The following RPTOR variants were observed in gnomAD, a reference collection of about 807,000 sequenced individuals.
The protein encoded by RPTOR is regulatory associated protein of MTOR complex 1.
In RPTOR, 21 loss-of-function variants were observed where a neutral mutation model predicts 169.9. The ratio of observed to expected loss-of-function variants is 0.12; its 90% CI spans 0.09 to 0.18. The LOEUF is 0.18. Ranked by LOEUF, RPTOR falls within the 10% of genes least tolerant of loss-of-function variation. The pLI, the probability that RPTOR is intolerant of heterozygous loss-of-function variation, is 1.00. For missense variants in RPTOR, 1,133 were observed against 1,855.9 expected (o/e 0.61, Z 7.16); for synonymous variants, 732 against 753.2 (o/e 0.97, Z 0.46).
chr17:80,598,881 T>TA (rs774492939), intron 1 of RPTOR, among the ~76,000 whole-genome samples: 70 of 144,722 alleles, frequency 4.8e-4, no homozygotes, highest in African/African-American at 1.1e-3. Flanking sequence ...TTCTTGATTC[T>TA]TTCTATCTAT....
intron 7 of RPTOR, among the ~76,000 whole-genome samples, chr17:80,815,195 A>G (rs993039779): frequency 1.3e-5 from 2 of 152,252 alleles, no homozygotes; most frequent in Non-Finnish European, 2.9e-5. Flanking sequence ...TGTTGGATGT[A>G]ACACCTGGCA....
chr17:80,896,427 G>C (rs1481673067), intron 20 of RPTOR, among the ~76,000 whole-genome samples: 1 of 108,510 alleles, frequency 9.2e-6, no homozygotes, highest in Non-Finnish European at 1.9e-5. Flanking sequence ...ACACGGCCTC[G>C]CCAACACCCC....
chr17:80,896,990 G>A (rs991435164), intron 20 of RPTOR, among the ~76,000 whole-genome samples: 5 of 152,212 alleles, frequency 3.3e-5, no homozygotes, highest in African/African-American at 1.2e-4. Flanking sequence ...GCTGGGCACG[G>A]TCCCTCACGC....
chr17:80,892,284 C>T (rs1056066638), intron 18 of RPTOR, among the ~76,000 whole-genome samples: 17 of 152,118 alleles, frequency 1.1e-4, no homozygotes, highest in African/African-American at 3.1e-4. Context: ...CTCCCGCTTC[C>T]ACACAGCCGT....
At chr17:80,813,726 G>C (rs1291017399) in intron 7 of RPTOR, among the ~76,000 whole-genome samples, 1 of 152,192 alleles carries the variant, frequency 6.6e-6, no homozygotes, top group Non-Finnish European at 1.5e-5. Flanking sequence ...TTTGCAGTAA[G>C]TAAGTGAACC....
intron 1 of RPTOR, among the ~76,000 whole-genome samples, chr17:80,613,511 T>C (rs574184239): frequency 6.6e-6 from 1 of 152,356 alleles, no homozygotes; most frequent in East Asian, 1.9e-4. Flanking sequence ...TAGTATGTAG[T>C]AACATTCATA....
At chr17:80,909,032 A>C in intron 21 of RPTOR, 103 bp downstream of exon 21, 1 of 766,508 alleles carries the variant, frequency 1.3e-6, no homozygotes, top group Non-Finnish European at 2.3e-6. Flanking sequence ...CACAGTTTAG[A>C]AAGTAACAAA....
At chr17:80,781,145 G>A (rs2066938512) in intron 6 of RPTOR, among the ~76,000 whole-genome samples, 1 of 152,188 alleles carries the variant, frequency 6.6e-6, no homozygotes, top group African/African-American at 2.4e-5. Context: ...TGTGCCCATA[G>A]TCTAAATCTT....
At chr17:80,712,137 C>G (rs2066199409) in intron 4 of RPTOR, among the ~76,000 whole-genome samples, 1 of 152,060 alleles carries the variant, frequency 6.6e-6, no homozygotes, top group South Asian at 2.1e-4. Flanking sequence ...TACTTCCTTC[C>G]CCTCATTTTC....
intron 17 of RPTOR, among the ~76,000 whole-genome samples, chr17:80,890,378 C>A (rs1001584107): frequency 6.6e-6 from 1 of 152,252 alleles, no homozygotes; most frequent in African/African-American, 2.4e-5. Flanking sequence ...CTCGGCAGTG[C>A]CTCACTCCTC....
intron 12 of RPTOR, among the ~76,000 whole-genome samples, chr17:80,856,016 T>C (rs764874231): frequency 6.6e-5 from 10 of 152,112 alleles, no homozygotes; most frequent in Non-Finnish European, 1.0e-4. Flanking sequence ...AGAGTAGTAA[T>C]GGCCACTAAA....
chr17:80,703,754 TG>T (rs775574176), intron 3 of RPTOR, among the ~76,000 whole-genome samples: 9 of 152,206 alleles, frequency 5.9e-5, no homozygotes, highest in Non-Finnish European at 1.3e-4. Context: ...GGCCTGGAGC[TG>T]GGCTAACGCT....
rs559042481 is a variant in RPTOR, at chr17:80,817,383, C to T, written c.891-4818C>T. On this transcript the variant is annotated intron_variant, in intron 7 of 33. Coordinates refer to ENST00000306801, the MANE Select transcript of RPTOR (RefSeq NM_020761.3). ...TCCTCTGCATGGATGGGGCCAGGGA[C>T]GGCAGTGAGGCGGCCACCCCATGGG... Among the ~76,000 whole-genome samples the T allele has an allele frequency of 5.3e-5, 8 of 152,104 alleles. No homozygotes were observed. In the South Asian group the frequency reaches 6.2e-4, roughly 12 times the overall value.
At chr17:80,921,899 G>A (rs1045348134) in intron 21 of RPTOR, among the ~76,000 whole-genome samples, 8 of 152,202 alleles carry the variant, frequency 5.3e-5, no homozygotes, top group Non-Finnish European at 7.3e-5. Flanking sequence ...CCCCGTCCAT[G>A]CAGTGCACCC....
At chr17:80,802,613 A>G (rs1248658542) in intron 7 of RPTOR, 2 of 151,590 alleles carry the variant, frequency 1.3e-5, no homozygotes, top group Non-Finnish European at 2.9e-5. Flanking sequence ...AAAGAAAAGG[A>G]AAAGAAAATG....
chr17:80,912,108 T>C (rs1487459534), intron 21 of RPTOR, among the ~76,000 whole-genome samples: 1 of 152,220 alleles, frequency 6.6e-6, no homozygotes, highest in East Asian at 1.9e-4. Flanking sequence ...GATTTCAAGG[T>C]TGGGTTTTAA....
At chr17:80,815,991 G>A (rs533230007) in intron 7 of RPTOR, among the ~76,000 whole-genome samples, 1 of 152,216 alleles carries the variant, frequency 6.6e-6, no homozygotes, top group African/African-American at 2.4e-5. Context: ...AGCGATTCTC[G>A]AGACCCGAGG....
chr17:80,852,826 G>A (rs1190186972), intron 11 of RPTOR, among the ~76,000 whole-genome samples: 1 of 151,914 alleles, frequency 6.6e-6, no homozygotes, highest in Non-Finnish European at 1.5e-5. Flanking sequence ...TGGAAGTCGT[G>A]CTGGCCGACC....
intron 1 of RPTOR, among the ~76,000 whole-genome samples, chr17:80,571,974 A>G (rs2064911452): frequency 6.6e-6 from 1 of 152,234 alleles, no homozygotes; most frequent in Non-Finnish European, 1.5e-5. Flanking sequence ...TAACTATTTT[A>G]AATTCTTTTA....
Sources: gnomAD v4.1 joint callset for allele counts (sites outside exome capture counted in the v4.1 genomes callset) on GRCh38, gnomAD v4.1.1 for gene constraint, MANE v1.5 for transcripts, NCBI Gene and HGNC (gene_info 2026-07-23, HGNC 2026-07-21) for gene names.